The following AXDND1 variants were observed in gnomAD, a reference collection of about 807,000 sequenced individuals.
AXDND1 encodes the protein axonemal dynein light chain domain containing 1.
A neutral mutation model predicts 137.5 loss-of-function variants in AXDND1; 110 were observed. The ratio of observed to expected loss-of-function variants is 0.80; its 90% CI spans 0.69 to 0.94. The LOEUF (loss-of-function observed/expected upper bound fraction) is 0.94. Ranked by LOEUF, AXDND1 falls within the 40% of genes least tolerant of loss-of-function variation. The pLI, the probability that AXDND1 is intolerant of heterozygous loss-of-function variation, is 0.00. For synonymous variants in AXDND1, 414 were observed against 399.7 expected (o/e 1.04, Z -0.43); for missense variants, 1,191 against 1,169.8 (o/e 1.02, Z -0.26).
intron 21 of AXDND1, among the ~76,000 whole-genome samples, chr1:179,518,803 G>T (rs114444846): frequency 0.024 from 3,706 of 152,122 alleles, 162 homozygotes; most frequent in African/African-American, 0.084. Flanking sequence ...TGGATATTTA[G>T]GTTAGTTCCA....
In AXDND1 at chr1:179,447,692, G is replaced by A. The variant is rs1263761216; in HGVS notation, c.1798+2488G>A. 11 of 1,346,484 alleles carry A rather than the reference G, an allele frequency of 8.2e-6. No homozygotes were observed. In the South Asian group the frequency reaches 1.3e-4, roughly 16 times the overall value. 83.4% of individuals were successfully genotyped at this position (1,346,484 alleles called of 1,614,324 possible). ...CCAAGATTACTGCCACCTGGTGGAG[G>A]GGGAGACTTTGTAGGCATGACTTTA... On this transcript the variant is annotated intron_variant, in intron 16 of 25. Coordinates refer to ENST00000367618, the MANE Select transcript of AXDND1 (RefSeq NM_144696.6).
chr1:179,541,190 A>T (rs1318382997), intron 25 of AXDND1, among the ~76,000 whole-genome samples: 1 of 152,198 alleles, frequency 6.6e-6, no homozygotes, highest in Non-Finnish European at 1.5e-5. Flanking sequence ...CGGGAAAAGC[A>T]TAGTATTTTG....
At chr1:179,451,442 T>G (rs1346428575) in intron 16 of AXDND1, 1 of 152,192 alleles carries the variant, frequency 6.6e-6, no homozygotes, top group Non-Finnish European at 1.5e-5. Context: ...TGAGTCTTAA[T>G]TTTTTCTTGG....
chr1:179,376,368 G>A (rs1647270599), intron 4 of AXDND1, among the ~76,000 whole-genome samples: 1 of 152,078 alleles, frequency 6.6e-6, no homozygotes, highest in African/African-American at 2.4e-5. Flanking sequence ...TTGGCCCTCT[G>A]TATATGAGGG....
intron 12 of AXDND1, among the ~76,000 whole-genome samples, chr1:179,429,107 T>C (rs571574768): frequency 6.6e-6 from 1 of 150,870 alleles, no homozygotes; most frequent in Non-Finnish European, 1.5e-5. Context: ...AACCCGGGAG[T>C]TGGAGCTTGC....
At chr1:179,386,176 C>T (rs6679587) in intron 9 of AXDND1, among the ~76,000 whole-genome samples, 4 of 151,186 alleles carry the variant, frequency 2.6e-5, no homozygotes, top group African/African-American at 9.7e-5. Flanking sequence ...CTCAGCCTCC[C>T]GAGTAGCTGG....
chr1:179,469,884 A>G (rs962937129), intron 17 of AXDND1, among the ~76,000 whole-genome samples: 1 of 152,186 alleles, frequency 6.6e-6, no homozygotes, highest in African/African-American at 2.4e-5. Flanking sequence ...GTCATAGCTA[A>G]GAATTCTTTG....
At chr1:179,440,259 A>G (rs990474823) in intron 15 of AXDND1, among the ~76,000 whole-genome samples, 12 of 152,210 alleles carry the variant, frequency 7.9e-5, no homozygotes, top group Non-Finnish European at 1.6e-4. Context: ...AAAGCATACT[A>G]GTATAAGCAG....
chr1:179,399,938 A>T (rs975097259), intron 11 of AXDND1, among the ~76,000 whole-genome samples: 2 of 152,198 alleles, frequency 1.3e-5, no homozygotes, highest in Non-Finnish European at 1.5e-5. Flanking sequence ...GTTGCCATGG[A>T]TGCAGTGATT....
chr1:179,506,662 G>A (rs372766667), intron 20 of AXDND1, among the ~76,000 whole-genome samples: 4 of 152,166 alleles, frequency 2.6e-5, no homozygotes, highest in Admixed American at 6.5e-5. Flanking sequence ...CCTAGGAGGC[G>A]GAGGTTGCAG....
intron 16 of AXDND1, among the ~76,000 whole-genome samples, chr1:179,464,040 C>T (rs927920455): frequency 6.6e-6 from 1 of 152,122 alleles, no homozygotes; most frequent in Non-Finnish European, 1.5e-5. Flanking sequence ...CTCCTGAATA[C>T]AGCACACTGA....
intron 25 of AXDND1, chr1:179,550,893 C>T (rs1361913636): frequency 4.4e-6 from 2 of 456,742 alleles, no homozygotes; most frequent in Non-Finnish European, 8.1e-6. Context: ...AAAATTTAAC[C>T]ACATCTAGAC....
At chr1:179,412,851 C>A (rs1336298408) in intron 12 of AXDND1, among the ~76,000 whole-genome samples, 1 of 152,116 alleles carries the variant, frequency 6.6e-6, no homozygotes, top group Non-Finnish European at 1.5e-5. Context: ...AGTGAGTATT[C>A]CTGTTCTCAG....
Position 179,515,035 on chromosome 1 carries a change from G to C in AXDND1, c.2496+5632G>C, listed in dbSNP as rs76240472. Among the ~76,000 whole-genome samples the C allele has an allele frequency of 8.7e-3, 1,321 of 152,306 alleles. 41 individuals carry two copies. Among genetic ancestry groups the C allele is most frequent in the Admixed American group, 0.056 (852 of 15,280 alleles). On this transcript the variant is annotated intron_variant, in intron 21 of 25. Coordinates refer to ENST00000367618, the MANE Select transcript of AXDND1 (RefSeq NM_144696.6). Reference sequence around the variant, plus strand: ...TCTGCAGTTTTGTATCTTTTAGGTAGAGCATTTAAGCCATTTACATTCAAT... The same window carrying C: ...TCTGCAGTTTTGTATCTTTTAGGTACAGCATTTAAGCCATTTACATTCAAT...
chr1:179,476,555 G>GTT (rs1664652378), intron 17 of AXDND1, among the ~76,000 whole-genome samples: 2 of 103,472 alleles, frequency 1.9e-5, no homozygotes, highest in African/African-American at 6.7e-5. Flanking sequence ...CAAATTCTTC[G>GTT]GTTTTTTTTT....
At chr1:179,479,606 T>A (rs1430070411) in intron 17 of AXDND1, among the ~76,000 whole-genome samples, 1 of 148,892 alleles carries the variant, frequency 6.7e-6, no homozygotes, top group Non-Finnish European at 1.5e-5. Context: ...TGAAACCCTG[T>A]CTCCACTAAA....
chr1:179,373,177 A>G (rs192622016), intron 4 of AXDND1, among the ~76,000 whole-genome samples: 2 of 152,352 alleles, frequency 1.3e-5, no homozygotes, highest in Admixed American at 1.3e-4. Context: ...TTAATAATGT[A>G]TAGAAATACA....
At chr1:179,395,324 C>G (rs1322363612) in intron 11 of AXDND1, 122 bp downstream of exon 11, 4 of 707,034 alleles carry the variant, frequency 5.7e-6, no homozygotes, top group Non-Finnish European at 9.0e-6. Flanking sequence ...AGATAGCTTA[C>G]TTTATCTGAA....
chr1:179,393,734 C>A (rs1452588971), intron 9 of AXDND1, among the ~76,000 whole-genome samples, 169 bp from the exon 10 acceptor site: 1 of 148,520 alleles, frequency 6.7e-6, no homozygotes, highest in African/African-American at 2.5e-5. Context: ...TTTTCTTTTT[C>A]TTTTTTTTTG....
Sources: allele counts gnomAD v4.1 joint callset (sites outside exome capture counted in the v4.1 genomes callset), GRCh38; gene constraint gnomAD v4.1.1; transcripts MANE v1.5; gene names NCBI Gene and HGNC (gene_info 2026-07-23, HGNC 2026-07-21).